The following MACROD2 variants were observed in gnomAD, a reference collection of about 807,000 sequenced individuals.
The protein encoded by MACROD2 is mono-ADP ribosylhydrolase 2.
A neutral mutation model predicts 70.4 loss-of-function variants in MACROD2; 36 were observed. That is an observed-to-expected ratio of 0.51 (90% confidence interval 0.39 to 0.68). The LOEUF (loss-of-function observed/expected upper bound fraction) is 0.68. Ranked by LOEUF, MACROD2 falls within the 30% of genes least tolerant of loss-of-function variation. The probability of loss-of-function intolerance (pLI) is 0.00; values close to 1 mark genes in which losing one functional copy is unlikely to be tolerated. For synonymous variants in MACROD2, 172 were observed against 178.8 expected (o/e 0.96, Z 0.30); for missense variants, 496 against 538.4 (o/e 0.92, Z 0.78).
chr20:14,958,523 G>C (rs2074556848), intron 5 of MACROD2, among the ~76,000 whole-genome samples: 1 of 152,112 alleles, frequency 6.6e-6, no homozygotes, highest in Admixed American at 6.5e-5. Flanking sequence ...TCCCATCCAG[G>C]CTTATTCCTG....
At chr20:14,364,308 G>T (rs1344060443) in intron 3 of MACROD2, among the ~76,000 whole-genome samples, 1 of 152,184 alleles carries the variant, frequency 6.6e-6, no homozygotes, top group East Asian at 1.9e-4. Context: ...GATTCCTGCT[G>T]ATGTAGAAAT....
At chr20:14,903,660 T>C (rs1448955485) in intron 5 of MACROD2, among the ~76,000 whole-genome samples, 2 of 152,108 alleles carry the variant, frequency 1.3e-5, no homozygotes, top group Non-Finnish European at 2.9e-5. Context: ...ATTAGGATAC[T>C]GTTAGATGCT....
chr20:14,443,033 C>T lies in MACROD2; in HGVS notation c.272-50446C>T, dbSNP rs144784813. Among the ~76,000 whole-genome samples, 118 of 150,986 alleles carry T rather than the reference C, an allele frequency of 7.8e-4. 2 individuals are homozygous for T. The highest frequency in any genetic ancestry group is 2.6e-3 in the African/African-American group (107 of 41,046). On this transcript the variant is annotated intron_variant, in intron 3 of 17. Coordinates refer to ENST00000684519, the MANE Select transcript of MACROD2 (RefSeq NM_001351661.2). ...GGCGGAGGTTGCAGTGAGCCGAGAT[C>T]GCGCCACTGTACTCCAGCCTGGGCA... is the stretch of plus-strand genomic sequence containing the variant.
intron 3 of MACROD2, among the ~76,000 whole-genome samples, chr20:14,403,924 A>G (rs1384016576): frequency 6.6e-6 from 1 of 152,172 alleles, no homozygotes; most frequent in Non-Finnish European, 1.5e-5. Flanking sequence ...AATCAGATAT[A>G]GAATAAAAAT....
chr20:15,120,047 G>A lies in MACROD2; in HGVS notation c.419-109893G>A, dbSNP rs148831124. Among the ~76,000 whole-genome samples, 823 of 152,306 alleles carry A rather than the reference G, an allele frequency of 5.4e-3. 24 individuals are homozygous for A. Among genetic ancestry groups the A allele is most frequent in the Admixed American group, 0.051 (784 of 15,290 alleles). The stretch of plus-strand genomic sequence containing the variant: ...AACATATTTATCACCCCTAGGATCA[G>A]TAAACGCTAATAAAGTTGCTGCTGC... On this transcript the variant is annotated intron_variant, in intron 5 of 17. Coordinates refer to ENST00000684519, the MANE Select transcript of MACROD2 (RefSeq NM_001351661.2).
intron 8 of MACROD2, among the ~76,000 whole-genome samples, chr20:15,530,592 C>G (rs1042813600): frequency 2.0e-5 from 3 of 151,390 alleles, no homozygotes; most frequent in Non-Finnish European, 2.9e-5. Context: ...ATTAGCCGGG[C>G]GTAGTGGCAG....
intron 8 of MACROD2, among the ~76,000 whole-genome samples, chr20:15,561,431 C>T (rs2048242521): frequency 6.6e-6 from 1 of 152,144 alleles, no homozygotes; most frequent in African/African-American, 2.4e-5. Context: ...ACATTTTGGG[C>T]TGAATCTGGC....
chr20:15,171,395 C>G (rs942109591), intron 5 of MACROD2, among the ~76,000 whole-genome samples: 7 of 150,670 alleles, frequency 4.6e-5, no homozygotes, highest in Non-Finnish European at 7.4e-5. Context: ...CCTTGTGTCT[C>G]TCTTTCTCCA....
rs575904478 is a variant in MACROD2, at chr20:15,745,923, T to G, written c.646-116822T>G. On this transcript the variant is annotated intron_variant, in intron 8 of 17. Coordinates refer to ENST00000684519, the MANE Select transcript of MACROD2 (RefSeq NM_001351661.2). ...TACATCTGTGTAATTTCTGGTGTGC[T>G]GATTATTTAAAATATATCTTAATAT... 3.2e-3 allele frequency among the ~76,000 whole-genome samples: 493 copies of G among 152,294 alleles called. 3 individuals carry two copies. Among genetic ancestry groups the G allele is most frequent in the Non-Finnish European group, 5.9e-3 (398 of 68,014 alleles).
chr20:14,680,260 A>G (rs1026606824), intron 4 of MACROD2, among the ~76,000 whole-genome samples: 2 of 152,216 alleles, frequency 1.3e-5, no homozygotes, highest in South Asian at 2.1e-4. Context: ...TAAGAAGCCT[A>G]GGAAGAAAAT....
intron 12 of MACROD2, among the ~76,000 whole-genome samples, chr20:15,961,393 A>T (rs1486073355): frequency 1.6e-4 from 24 of 152,146 alleles, no homozygotes; most frequent in Admixed American, 1.6e-3. Flanking sequence ...AAAAAAACCC[A>T]AGTTCTGAGC....
chr20:14,805,226 G>A (rs1157117164), intron 5 of MACROD2, among the ~76,000 whole-genome samples: 1 of 152,012 alleles, frequency 6.6e-6, no homozygotes, highest in Non-Finnish European at 1.5e-5. Context: ...CTTCCTTAAG[G>A]AAAAGTTAAG....
At chr20:14,035,860 C>T (rs560233550) in intron 2 of MACROD2, among the ~76,000 whole-genome samples, 2 of 152,214 alleles carry the variant, frequency 1.3e-5, no homozygotes, top group African/African-American at 2.4e-5. Context: ...AGATAGACAG[C>T]GGCTGGGCGC....
rs551856535 is a variant in MACROD2 at position 15,481,849 on chromosome 20, A to G, written c.572-17925A>G. Among the ~76,000 whole-genome samples, 8 of 152,364 alleles carry G rather than the reference A, an allele frequency of 5.3e-5. No homozygotes were observed. In the East Asian group the frequency reaches 1.5e-3, roughly 29 times the overall value. On this transcript the variant is annotated intron_variant, in intron 7 of 17. Transcript: ENST00000684519. ...AGGGCTGGCTTCTGCCCTTATGGAA[A>G]GGTAAATTAGCCCACTGATACATAA...
At chr20:15,521,595 A>G (rs1359914648) in intron 8 of MACROD2, among the ~76,000 whole-genome samples, 1 of 152,228 alleles carries the variant, frequency 6.6e-6, no homozygotes, top group Non-Finnish European at 1.5e-5. Context: ...GGAGACAGAG[A>G]GTTTTATGAA....
At chr20:14,681,091 T>C (rs2070926451) in intron 4 of MACROD2, among the ~76,000 whole-genome samples, 3 of 152,166 alleles carry the variant, frequency 2.0e-5, no homozygotes, top group South Asian at 4.1e-4. Flanking sequence ...TACTCCTTTA[T>C]AGTCATTAGA....
intron 5 of MACROD2, among the ~76,000 whole-genome samples, chr20:15,207,435 G>GTT (rs1568636954): frequency 9.8e-4 from 68 of 69,398 alleles, no homozygotes; most frequent in African/African-American, 2.2e-3. Context: ...GTTTGTTTCT[G>GTT]GTTTTTTTTT....
intron 3 of MACROD2, among the ~76,000 whole-genome samples, chr20:14,451,126 G>A (rs1474094325): frequency 1.3e-5 from 2 of 151,998 alleles, no homozygotes; most frequent in African/African-American, 4.8e-5. Flanking sequence ...GTGAGACAGA[G>A]GAGGAAGGGA....
At chr20:15,964,299 C>A (rs2066107059) in intron 12 of MACROD2, among the ~76,000 whole-genome samples, 1 of 152,268 alleles carries the variant, frequency 6.6e-6, no homozygotes, top group Admixed American at 6.5e-5. Context: ...TTATTTCTCA[C>A]AGTTCTGGGG....
Sources: allele counts gnomAD v4.1 joint callset (sites outside exome capture counted in the v4.1 genomes callset), GRCh38; gene constraint gnomAD v4.1.1; transcripts MANE v1.5; gene names NCBI Gene and HGNC (gene_info 2026-07-23, HGNC 2026-07-21).